Variants in ARB2A observed in about 807,000 individuals in gnomAD.
ARB2A encodes the protein ARB2 cotranscriptional regulator A.
chr5:93,742,372 C>T, the ARB2A span, among the ~76,000 whole-genome samples: 1 of 152,212 alleles, frequency 6.6e-6, no homozygotes, highest in South Asian at 2.1e-4. Flanking sequence ...CTGTCCCCCA[C>T]TGAGGATGCT....
At chr5:93,758,747 G>A in the ARB2A span, among the ~76,000 whole-genome samples, 84 of 152,242 alleles carry the variant, frequency 5.5e-4, no homozygotes, top group Non-Finnish European at 9.6e-4. Context: ...AGCAAAGGCA[G>A]TGCTAGGAGG....
At chr5:93,926,379 C>T in the ARB2A span, among the ~76,000 whole-genome samples, 2 of 152,068 alleles carry the variant, frequency 1.3e-5, no homozygotes, top group African/African-American at 2.4e-5. Flanking sequence ...GTGATCTGCC[C>T]GCCTCGGCCT....
At chr5:94,093,583 C>T in the ARB2A span, among the ~76,000 whole-genome samples, 5 of 152,114 alleles carry the variant, frequency 3.3e-5, no homozygotes, top group Admixed American at 1.3e-4. Flanking sequence ...TAGGTTATGG[C>T]TTCAACATAC....
chr5:93,968,696 T>C, the ARB2A span, among the ~76,000 whole-genome samples: 359 of 152,040 alleles, frequency 2.4e-3, no homozygotes, highest in African/African-American at 8.3e-3. Flanking sequence ...AGATAAAAAG[T>C]AATAGATCCA....
chr5:93,893,830 C>A, the ARB2A span, among the ~76,000 whole-genome samples: 2 of 152,094 alleles, frequency 1.3e-5, no homozygotes, highest in Non-Finnish European at 2.9e-5. Flanking sequence ...CAGAAAATCA[C>A]AAAAATTGTA....
At chr5:93,711,290 T>A in the ARB2A span, among the ~76,000 whole-genome samples, 10 of 151,770 alleles carry the variant, frequency 6.6e-5, no homozygotes, top group Admixed American at 4.6e-4. Flanking sequence ...TTTGAATTTT[T>A]TAAAAAAAAT....
chr5:93,910,316 C>G, the ARB2A span, among the ~76,000 whole-genome samples: 1 of 150,846 alleles, frequency 6.6e-6, no homozygotes, highest in Non-Finnish European at 1.5e-5. Context: ...AAAAACACAT[C>G]TGATACAAAA....
the ARB2A span, chr5:93,865,850 T>G: frequency 2.0e-6 from 2 of 985,374 alleles, no homozygotes; most frequent in Non-Finnish European, 2.4e-6. Flanking sequence ...TTTATACAAT[T>G]TGTGAGGTCA....
At chr5:93,776,022 C>T in the ARB2A span, 262 of 694,318 alleles carry the variant, frequency 3.8e-4, no homozygotes, top group East Asian at 6.6e-3. Flanking sequence ...TCTACCCATG[C>T]ATAACATTAC....
the ARB2A span, among the ~76,000 whole-genome samples, chr5:93,980,864 C>T: frequency 1.3e-5 from 2 of 152,102 alleles, no homozygotes; most frequent in Admixed American, 6.6e-5. Flanking sequence ...TTTAAGGTCT[C>T]TGACTCATAG....
chr5:93,669,478 C>T, the ARB2A span, among the ~76,000 whole-genome samples: 1 of 147,032 alleles, frequency 6.8e-6, no homozygotes, highest in African/African-American at 2.6e-5. Flanking sequence ...CAAAGGGTTA[C>T]TCAGCCATTT....
the ARB2A span, among the ~76,000 whole-genome samples, chr5:93,732,586 T>TAA: frequency 2.1e-5 from 3 of 142,280 alleles, no homozygotes; most frequent in African/African-American, 5.1e-5. Flanking sequence ...GGCCTCTGAT[T>TAA]AAAAAAAAAA....
At chr5:93,854,471 T>C in the ARB2A span, among the ~76,000 whole-genome samples, 6 of 152,192 alleles carry the variant, frequency 3.9e-5, no homozygotes, top group Admixed American at 3.9e-4. Flanking sequence ...TCTGCTCTGA[T>C]TTTAGTTATT....
chr5:94,038,728 A>G, the ARB2A span, among the ~76,000 whole-genome samples: 1 of 152,074 alleles, frequency 6.6e-6, no homozygotes, highest in Non-Finnish European at 1.5e-5. Flanking sequence ...AAAGAAATAA[A>G]CATAAACTAA....
the ARB2A span, among the ~76,000 whole-genome samples, chr5:93,859,053 A>C: frequency 2.0e-5 from 3 of 152,272 alleles, no homozygotes; most frequent in Non-Finnish European, 2.9e-5. Flanking sequence ...ACATGTAGAT[A>C]GACATTTGAA....
chr5:93,716,295 T>A, the ARB2A span, among the ~76,000 whole-genome samples: 1 of 152,126 alleles, frequency 6.6e-6, no homozygotes, highest in South Asian at 2.1e-4. Context: ...AATGGCAAAT[T>A]TAAATAAAAA....
chr5:93,978,309 C>T, the ARB2A span, among the ~76,000 whole-genome samples: 5 of 152,136 alleles, frequency 3.3e-5, no homozygotes, highest in Admixed American at 6.5e-5. Flanking sequence ...AAGATACCTG[C>T]ACTCATATGT....
chr5:94,059,401 T>C, the ARB2A span, among the ~76,000 whole-genome samples: 8 of 151,844 alleles, frequency 5.3e-5, no homozygotes, highest in African/African-American at 1.9e-4. Context: ...GGTGGGTAGA[T>C]CACTTGAGGT....
the ARB2A span, among the ~76,000 whole-genome samples, chr5:93,981,880 T>C: frequency 6.6e-6 from 1 of 152,064 alleles, no homozygotes; most frequent in Admixed American, 6.5e-5. Flanking sequence ...CTGTAGTACT[T>C]CCACTGAAAG....
Sources: allele counts gnomAD v4.1 joint callset (sites outside exome capture counted in the v4.1 genomes callset), GRCh38; gene constraint gnomAD v4.1.1; transcripts MANE v1.5; gene names NCBI Gene and HGNC (gene_info 2026-07-23, HGNC 2026-07-21).